The following GSTCD variants were observed in gnomAD, a reference collection of about 807,000 sequenced individuals.
GSTCD encodes the protein glutathione S-transferase C-terminal domain containing.
GSTCD carries 44 observed loss-of-function variants against 68.3 expected under a neutral mutation model. The observed-to-expected ratio is 0.64, with a 90% CI of 0.51 to 0.83. GSTCD has a LOEUF of 0.83. GSTCD is among the 40% of genes least tolerant of loss of function. The pLI is 0.00. For missense variants in GSTCD, 739 were observed against 735.9 expected (o/e 1.00, Z -0.05); for synonymous variants, 273 against 255.2 (o/e 1.07, Z -0.67).
intron 3 of GSTCD, among the ~76,000 whole-genome samples, chr4:105,722,403 G>A (rs919174342): frequency 1.3e-5 from 2 of 151,944 alleles, no homozygotes; most frequent in African/African-American, 4.8e-5. Context: ...AGAGCTTTTA[G>A]CTTTAACTCA....
At chr4:105,805,034 A>G (rs1722435508) in intron 5 of GSTCD, among the ~76,000 whole-genome samples, 1 of 152,104 alleles carries the variant, frequency 6.6e-6, no homozygotes, top group African/African-American at 2.4e-5. Context: ...TATTACAGCT[A>G]TTATATTTAT....
At chr4:105,772,252 G>A (rs1279948906) in intron 5 of GSTCD, among the ~76,000 whole-genome samples, 1 of 152,170 alleles carries the variant, frequency 6.6e-6, no homozygotes, top group Non-Finnish European at 1.5e-5. Flanking sequence ...AGCTTAAGGA[G>A]TTTTGGGGCT....
chr4:105,761,383 A>T (rs974043200), intron 5 of GSTCD: 2 of 152,598 alleles, frequency 1.3e-5, no homozygotes, highest in African/African-American at 4.8e-5. Flanking sequence ...TCTATTAGTT[A>T]TCTGGCCCTA....
chr4:105,729,699 T>G lies in GSTCD; in HGVS notation c.1240+200T>G, dbSNP rs528022425. 1.2e-4 allele frequency among the ~76,000 whole-genome samples: 18 copies of G among 152,296 alleles called. No homozygotes were observed. In the South Asian group the frequency reaches 3.5e-3, roughly 30 times the overall value. On this transcript the variant is annotated intron_variant, in intron 5 of 11. Transcript: ENST00000515279. ...AATATTTCTCACATTTTTCTACATT[T>G]GTTTTATTTGTTACTGTTTTTTCTT...
Position 105,825,708 on chromosome 4 carries a change from C to G in GSTCD, c.1438C>G (p.Arg480Gly), listed in dbSNP as rs754237074. ...LIENKELSLI[R>G]AKKRSDELGL... ...AGAAAACAAGGAATTATCATTAATT[C>G]GTGCTAAGAAGAGAAGTGATGAACT... Residue 480 changes from arginine to glycine, a missense_variant, in exon 8 of 12, where the codon CGT becomes GGT. Physicochemically the swap from Arg to Gly is moderately radical, Grantham distance 125. Transcript: ENST00000515279. 6.6e-7 allele frequency: 1 copy of G among 1,514,670 alleles called. No individual in the cohort carries two copies. The highest frequency in any genetic ancestry group is 1.4e-5 in the African/African-American group (1 of 72,824). The allele number at this position is 1,514,670 out of a possible 1,614,324, so 93.8% of individuals were successfully genotyped here.
At chr4:105,823,099 G>A (rs1250314374) in intron 6 of GSTCD, 30 bp downstream of exon 6, 1 of 1,583,530 alleles carries the variant, frequency 6.3e-7, no homozygotes, top group African/African-American at 1.3e-5. Flanking sequence ...ATCCTTTTTA[G>A]TCTTTCTAAG....
At chr4:105,766,807 C>A (rs1215555089) in intron 5 of GSTCD, among the ~76,000 whole-genome samples, 1 of 148,676 alleles carries the variant, frequency 6.7e-6, no homozygotes, top group Non-Finnish European at 1.5e-5. Context: ...AAGATAGTTT[C>A]TCCTATACTG....
At chr4:105,809,436 C>A (rs1722666657) in intron 5 of GSTCD, among the ~76,000 whole-genome samples, 1 of 152,080 alleles carries the variant, frequency 6.6e-6, no homozygotes. Flanking sequence ...ACACCTTACT[C>A]TCTCACTTTA....
intron 5 of GSTCD, among the ~76,000 whole-genome samples, chr4:105,767,014 G>T (rs1490034588): frequency 6.7e-6 from 1 of 148,740 alleles, no homozygotes; most frequent in Non-Finnish European, 1.5e-5. Flanking sequence ...GTTTAACTGA[G>T]CAAAGAATGA....
At chr4:105,808,536 CA>C (rs1347342839) in intron 5 of GSTCD, among the ~76,000 whole-genome samples, 1 of 152,048 alleles carries the variant, frequency 6.6e-6, no homozygotes, top group Non-Finnish European at 1.5e-5. Context: ...ATAATGTCCC[CA>C]AATCCATCTA....
rs570501001 is a variant in GSTCD at position 105,772,859 on chromosome 4, A to T, written c.1240+43360A>T. On this transcript the variant is annotated intron_variant, in intron 5 of 11. Transcript: ENST00000515279. Reference sequence around the variant, plus strand: ...TCTGCCAGGTTTTAGTATCAGGATGATGTTGGCCTCATAAAATGAGTTAGG... The same window carrying T: ...TCTGCCAGGTTTTAGTATCAGGATGTTGTTGGCCTCATAAAATGAGTTAGG... Among the ~76,000 whole-genome samples, 4 of 152,242 alleles carry T rather than the reference A, an allele frequency of 2.6e-5. No homozygotes were observed. The South Asian group carries it at 8.3e-4, about 32-fold the overall frequency.
intron 5 of GSTCD, among the ~76,000 whole-genome samples, chr4:105,799,477 G>C (rs1335822210): frequency 6.6e-6 from 1 of 152,082 alleles, no homozygotes; most frequent in East Asian, 1.9e-4. Flanking sequence ...TAGGGTCATT[G>C]TAGGGCTATT....
chr4:105,843,072 G>T (rs1003395725), intron 11 of GSTCD, among the ~76,000 whole-genome samples: 4 of 152,120 alleles, frequency 2.6e-5, no homozygotes, highest in Admixed American at 2.6e-4. Flanking sequence ...TGATATACTA[G>T]AAAACAGATT....
chr4:105,770,284 T>G (rs181990564), intron 5 of GSTCD, among the ~76,000 whole-genome samples: 4 of 152,352 alleles, frequency 2.6e-5, no homozygotes, highest in African/African-American at 9.6e-5. Context: ...GAGCGTCTTC[T>G]ATTTTAGCAT....
chr4:105,784,609 A>G (rs2149251412), intron 5 of GSTCD, among the ~76,000 whole-genome samples: 1 of 152,298 alleles, frequency 6.6e-6, no homozygotes, highest in East Asian at 1.9e-4. Flanking sequence ...TAATTACTAT[A>G]ATGTTTGCAA....
intron 7 of GSTCD, among the ~76,000 whole-genome samples, chr4:105,824,562 G>A (rs1366537304): frequency 2.0e-5 from 3 of 152,102 alleles, no homozygotes; most frequent in African/African-American, 4.8e-5. Context: ...AGGAATGATA[G>A]TGATGAAAGT....
chr4:105,832,425 C>T (rs955349149), intron 8 of GSTCD, among the ~76,000 whole-genome samples: 1 of 152,186 alleles, frequency 6.6e-6, no homozygotes. Context: ...ATTCAAGTTA[C>T]TTATTTCATT....
chr4:105,774,439 A>G (rs1348356439), intron 5 of GSTCD, among the ~76,000 whole-genome samples: 2 of 152,164 alleles, frequency 1.3e-5, no homozygotes, highest in South Asian at 2.1e-4. Context: ...CAATTTCTTC[A>G]TAGTGTCGAT....
chr4:105,724,429 A>T (rs1732966857), intron 3 of GSTCD, among the ~76,000 whole-genome samples: 1 of 151,770 alleles, frequency 6.6e-6, no homozygotes, highest in African/African-American at 2.4e-5. Flanking sequence ...CTATAGTGCT[A>T]GTTATCTTTT....
Sources: gnomAD v4.1 joint callset for allele counts (sites outside exome capture counted in the v4.1 genomes callset) on GRCh38, gnomAD v4.1.1 for gene constraint, MANE v1.5 for transcripts, NCBI Gene and HGNC (gene_info 2026-07-23, HGNC 2026-07-21) for gene names.